The following ANTXR2 variants were observed in gnomAD, a reference collection of about 807,000 sequenced individuals.
ANTXR2 encodes the protein anthrax toxin receptor 2.
In ANTXR2, 44 loss-of-function variants were observed where a neutral mutation model predicts 73.7. The observed-to-expected ratio is 0.60, with a 90% CI of 0.47 to 0.77. The LOEUF (loss-of-function observed/expected upper bound fraction) is 0.77, where lower values mean the gene tolerates loss of function less well. ANTXR2 is among the 30% of genes least tolerant of loss of function. The pLI, the probability that ANTXR2 is intolerant of heterozygous loss-of-function variation, is 0.00. For synonymous variants in ANTXR2, 217 were observed against 205.9 expected (o/e 1.05, Z -0.46); for missense variants, 604 against 592.5 (o/e 1.02, Z -0.20).
chr4:79,902,161 T>TAAAA lies in ANTXR2; in HGVS notation c.*5267_*5268insTTTT, dbSNP rs1726732293. ...CCACTGACATTTACAATGTTGTAAA[T>TAAAA]ATAATTCATCTAAGATACAAATAAC... On this transcript the variant is annotated 3_prime_UTR_variant, in exon 17 of 17. Coordinates refer to ENST00000403729, the MANE Select transcript of ANTXR2 (RefSeq NM_058172.6). 19 of 152,320 alleles carry TAAAA rather than the reference T, an allele frequency of 1.2e-4. No homozygotes were observed. Among genetic ancestry groups the TAAAA allele is most frequent in the Non-Finnish European group, 2.4e-4 (16 of 68,022 alleles). 9.4% of individuals were successfully genotyped at this position (152,320 alleles called of 1,614,324 possible). A position where few individuals can be genotyped will look rare whatever the true frequency, so the allele number is the denominator to read the frequency against.
intron 16 of ANTXR2, among the ~76,000 whole-genome samples, chr4:79,961,540 T>A (rs1451257971): frequency 6.6e-6 from 1 of 152,062 alleles, no homozygotes; most frequent in Non-Finnish European, 1.5e-5. Context: ...GCTCAAGCAA[T>A]CCTCCCACCT....
At chr4:80,059,103 C>G (rs1470409370) in intron 3 of ANTXR2, among the ~76,000 whole-genome samples, 2 of 151,960 alleles carry the variant, frequency 1.3e-5, no homozygotes, top group African/African-American at 4.8e-5. Context: ...GTGTTTCATC[C>G]CCTTTTCCAA....
chr4:80,001,105 A>G (rs539715540), intron 12 of ANTXR2, among the ~76,000 whole-genome samples: 2 of 152,200 alleles, frequency 1.3e-5, no homozygotes, highest in African/African-American at 4.8e-5. Context: ...AAGTTACAAA[A>G]CAGAGGGGTT....
At chr4:80,028,244 C>T (rs557381890) in intron 10 of ANTXR2, among the ~76,000 whole-genome samples, 2 of 152,182 alleles carry the variant, frequency 1.3e-5, no homozygotes, top group South Asian at 2.1e-4. Flanking sequence ...CTGAACAATG[C>T]TCAAAATGAT....
intron 11 of ANTXR2, among the ~76,000 whole-genome samples, chr4:80,010,309 T>C (rs1304563778): frequency 3.3e-5 from 5 of 152,150 alleles, no homozygotes; most frequent in Admixed American, 2.6e-4. Flanking sequence ...TAGAAACGCA[T>C]GGAAAACTGT....
intron 11 of ANTXR2, among the ~76,000 whole-genome samples, chr4:80,017,432 G>C (rs1327466568): frequency 6.6e-6 from 1 of 151,994 alleles, no homozygotes; most frequent in African/African-American, 2.4e-5. Context: ...CCTCATCATT[G>C]ACACATCAAT....
chr4:80,071,511 G>T (rs930371804), intron 2 of ANTXR2, 72 bp downstream of exon 2: 7 of 1,332,450 alleles, frequency 5.3e-6, no homozygotes, highest in African/African-American at 4.4e-5. Context: ...CCTATAAAAG[G>T]TTTCAGAAAA....
chr4:79,956,716 A>G (rs1728899165), intron 16 of ANTXR2, among the ~76,000 whole-genome samples: 1 of 152,102 alleles, frequency 6.6e-6, no homozygotes, highest in Non-Finnish European at 1.5e-5. Flanking sequence ...CTCAACAACT[A>G]CAATACCTTG....
intron 7 of ANTXR2, among the ~76,000 whole-genome samples, chr4:80,048,730 T>C (rs1363609570): frequency 1.3e-5 from 2 of 151,706 alleles, no homozygotes; most frequent in Non-Finnish European, 2.9e-5. Flanking sequence ...CATTAAAATA[T>C]AGTGTTAGAC....
intron 16 of ANTXR2, among the ~76,000 whole-genome samples, chr4:79,928,722 A>G (rs1727932053): frequency 6.6e-6 from 1 of 152,160 alleles, no homozygotes; most frequent in African/African-American, 2.4e-5. Context: ...AAAAGTTATG[A>G]CAATCTTTTT....
At chr4:79,961,476 C>T (rs1729139391) in intron 16 of ANTXR2, among the ~76,000 whole-genome samples, 1 of 151,718 alleles carries the variant, frequency 6.6e-6, no homozygotes, top group Admixed American at 6.6e-5. Context: ...GCTCTGTCAC[C>T]CAGGCTGGAG....
intron 11 of ANTXR2, among the ~76,000 whole-genome samples, chr4:80,013,952 G>A (rs1731716439): frequency 6.6e-6 from 1 of 152,108 alleles, no homozygotes; most frequent in Non-Finnish European, 1.5e-5. Flanking sequence ...AGAAAGAGAA[G>A]GCTTCAAGTC....
intron 10 of ANTXR2, among the ~76,000 whole-genome samples, chr4:80,028,344 G>A (rs995231507): frequency 3.3e-5 from 5 of 151,864 alleles, no homozygotes; most frequent in Non-Finnish European, 7.4e-5. Flanking sequence ...CTAGCTACTC[G>A]GCTACATTCT....
At chr4:79,954,733 T>C (rs528592797) in intron 16 of ANTXR2, among the ~76,000 whole-genome samples, 1 of 152,324 alleles carries the variant, frequency 6.6e-6, no homozygotes, top group African/African-American at 2.4e-5. Context: ...AATAAAATCA[T>C]GATCTGTACT....
intron 7 of ANTXR2, among the ~76,000 whole-genome samples, chr4:80,044,350 A>G (rs982646258): frequency 1.3e-5 from 2 of 151,986 alleles, no homozygotes; most frequent in African/African-American, 4.8e-5. Context: ...ATGCTATAAT[A>G]ACAAACGTAG....
intron 12 of ANTXR2, among the ~76,000 whole-genome samples, chr4:79,985,863 C>G (rs965438933): frequency 2.6e-4 from 28 of 108,466 alleles, no homozygotes; most frequent in Middle Eastern, 6.0e-3. Context: ...TTTTTTGAGA[C>G]GGAGTTTCAC....
intron 7 of ANTXR2, among the ~76,000 whole-genome samples, chr4:80,043,658 G>C (rs957662055): frequency 7.9e-5 from 12 of 152,130 alleles, no homozygotes; most frequent in African/African-American, 2.9e-4. Context: ...CAAGGGAGAA[G>C]TGCAGGATAA....
intron 16 of ANTXR2, among the ~76,000 whole-genome samples, chr4:79,932,854 AGTG>A (rs1424185737): frequency 1.3e-5 from 2 of 150,874 alleles, no homozygotes; most frequent in Non-Finnish European, 3.0e-5. Context: ...GAACTAGATT[AGTG>A]AAGGAGGCAT....
intron 16 of ANTXR2, among the ~76,000 whole-genome samples, chr4:79,951,306 G>A (rs893100660): frequency 5.9e-5 from 9 of 152,088 alleles, no homozygotes; most frequent in African/African-American, 1.9e-4. Flanking sequence ...TCTGCTGGGC[G>A]TGGTGGCTCA....
Sources: gnomAD v4.1 joint callset for allele counts (sites outside exome capture counted in the v4.1 genomes callset) on GRCh38, gnomAD v4.1.1 for gene constraint, MANE v1.5 for transcripts, NCBI Gene and HGNC (gene_info 2026-07-23, HGNC 2026-07-21) for gene names.